CDH2: variants seen among roughly 807,000 people sequenced by gnomAD.
The protein encoded by CDH2 is cadherin 2.
In CDH2, 17 loss-of-function variants were observed where a neutral mutation model predicts 92.0. That is an observed-to-expected ratio of 0.18 (90% CI 0.13 to 0.28). The LOEUF is 0.28. Ranked by LOEUF, CDH2 falls within the 10% of genes least tolerant of loss-of-function variation. The probability of loss-of-function intolerance (pLI) is 1.00; values close to 1 mark genes in which losing one functional copy is unlikely to be tolerated. For missense variants in CDH2, 862 were observed against 1,133.1 expected, an observed-to-expected ratio of 0.76 and a Z score of 3.44; for synonymous variants, 419 against 415.9, an observed-to-expected ratio of 1.01 and a Z score of -0.09.
intron 2 of CDH2, among the ~76,000 whole-genome samples, chr18:28,066,951 A>C (rs1438834264): frequency 2.0e-5 from 3 of 152,156 alleles, no homozygotes; most frequent in Admixed American, 6.5e-5. Flanking sequence ...TTAGTTTTCT[A>C]TTTGGGTCTT....
At chr18:27,961,493 C>CAATT (rs2011403104) in intron 15 of CDH2, among the ~76,000 whole-genome samples, 1 of 151,914 alleles carries the variant, frequency 6.6e-6, no homozygotes, top group Non-Finnish European at 1.5e-5. Flanking sequence ...TGCAGATGGA[C>CAATT]AATTAGGTTA....
At chr18:28,169,831 A>G (rs1388705818) in intron 1 of CDH2, among the ~76,000 whole-genome samples, 1 of 152,224 alleles carries the variant, frequency 6.6e-6, no homozygotes, top group African/African-American at 2.4e-5. Context: ...GCTACTTTGA[A>G]AAACCCAAGT....
chr18:28,163,799 A>G (rs1043562269), intron 1 of CDH2, among the ~76,000 whole-genome samples: 2 of 152,242 alleles, frequency 1.3e-5, no homozygotes, highest in African/African-American at 4.8e-5. Context: ...GTATACATCT[A>G]TGCATGATGT....
At chr18:28,081,778 A>T (rs2014834973) in intron 2 of CDH2, among the ~76,000 whole-genome samples, 1 of 152,212 alleles carries the variant, frequency 6.6e-6, no homozygotes. Context: ...ACAATGGTTT[A>T]ACGGTTAGCC....
chr18:28,057,932 G>A (rs1204395565), intron 2 of CDH2, among the ~76,000 whole-genome samples: 1 of 152,054 alleles, frequency 6.6e-6, no homozygotes, highest in Non-Finnish European at 1.5e-5. Context: ...ACAAGTCATG[G>A]AAAAAATATT....
chr18:27,953,229 A>G (rs1909550242), intron 15 of CDH2, among the ~76,000 whole-genome samples: 1 of 152,144 alleles, frequency 6.6e-6, no homozygotes, highest in South Asian at 2.1e-4. Context: ...GGTTCTTATA[A>G]AGAATTTTAA....
intron 15 of CDH2, among the ~76,000 whole-genome samples, chr18:27,962,837 A>G (rs558319474): frequency 6.6e-6 from 1 of 152,328 alleles, no homozygotes; most frequent in Non-Finnish European, 1.5e-5. Flanking sequence ...GAAGCTCTTA[A>G]AACTCCTCAA....
chr18:27,957,168 T>C (rs2011270902), intron 15 of CDH2, among the ~76,000 whole-genome samples: 1 of 103,282 alleles, frequency 9.7e-6, no homozygotes, highest in East Asian at 3.3e-4. Flanking sequence ...TCATTAAAAA[T>C]ATCACTTCGA....
chr18:28,023,385 G>T (rs2013461403), intron 2 of CDH2, among the ~76,000 whole-genome samples: 1 of 152,130 alleles, frequency 6.6e-6, no homozygotes, highest in Admixed American at 6.6e-5. Context: ...ATGCAGTGGG[G>T]TGATGTTGGC....
At chr18:28,048,066 G>C (rs1269689832) in intron 2 of CDH2, among the ~76,000 whole-genome samples, 2 of 149,862 alleles carry the variant, frequency 1.3e-5, no homozygotes, top group African/African-American at 4.9e-5. Context: ...TATTAGCAGG[G>C]ATCTGCTGCC....
At chr18:28,154,318 G>T (rs1003085150) in intron 1 of CDH2, among the ~76,000 whole-genome samples, 1 of 152,224 alleles carries the variant, frequency 6.6e-6, no homozygotes, top group Non-Finnish European at 1.5e-5. Flanking sequence ...AGGATGACAA[G>T]CAGTCAACAA....
At chr18:28,000,955 C>T (rs770601862) in intron 7 of CDH2, among the ~76,000 whole-genome samples, 14 of 151,974 alleles carry the variant, frequency 9.2e-5, no homozygotes, top group Non-Finnish European at 1.9e-4. Context: ...TTATCCCTGG[C>T]CTCAGGAAGA....
chr18:27,959,643 T>A (rs1315370360), intron 15 of CDH2: 1 of 152,214 alleles, frequency 6.6e-6, no homozygotes, highest in Non-Finnish European at 1.5e-5. Context: ...GGAGAGTTAT[T>A]ACTGGCTTAG....
At chr18:28,064,139 G>T (rs1388323918) in intron 2 of CDH2, among the ~76,000 whole-genome samples, 5 of 151,642 alleles carry the variant, frequency 3.3e-5, no homozygotes, top group Admixed American at 1.3e-4. Context: ...TCAAAAGAGG[G>T]GGGGGTAGGT....
intron 2 of CDH2, among the ~76,000 whole-genome samples, chr18:28,140,030 T>C (rs2015927729): frequency 6.6e-6 from 1 of 151,950 alleles, no homozygotes. Context: ...ACACCACATG[T>C]AGTCATCCCT....
At position 27,969,284 on chromosome 18, in the gene CDH2, A is replaced by G. The variant is rs575102722; in HGVS notation, c.2350-5763T>C. Among the ~76,000 whole-genome samples, 9 of 152,334 alleles carry G rather than the reference A, an allele frequency of 5.9e-5. No individual in the cohort carries two copies. The South Asian group carries it at 1.9e-3, about 32-fold the overall frequency. On this transcript the variant is annotated intron_variant, in intron 14 of 15. Coordinates refer to ENST00000269141, the MANE Select transcript of CDH2 (RefSeq NM_001792.5). Reference sequence around the variant, plus strand: ...TCTCTGTTCTCTCTCTTCATATACTATACATTTTAATCTTACTGGTAGCCA... The same window carrying G: ...TCTCTGTTCTCTCTCTTCATATACTGTACATTTTAATCTTACTGGTAGCCA...
At chr18:28,154,135 T>C (rs907742707) in intron 1 of CDH2, among the ~76,000 whole-genome samples, 5 of 152,356 alleles carry the variant, frequency 3.3e-5, no homozygotes, top group African/African-American at 1.2e-4. Context: ...TCAAACCCAA[T>C]AGCTTAGCAA....
intron 1 of CDH2, among the ~76,000 whole-genome samples, chr18:28,151,000 G>T (rs2016112309): frequency 6.6e-6 from 1 of 152,184 alleles, no homozygotes; most frequent in Non-Finnish European, 1.5e-5. Context: ...CTCCCAGCTG[G>T]ACATAGTGGA....
intron 15 of CDH2, among the ~76,000 whole-genome samples, chr18:27,956,749 G>A (rs985657088): frequency 6.6e-6 from 1 of 151,982 alleles, no homozygotes; most frequent in African/African-American, 2.4e-5. Context: ...CCGACAATGG[G>A]CAAAATGATT....
Sources: allele counts gnomAD v4.1 joint callset (sites outside exome capture counted in the v4.1 genomes callset), GRCh38; gene constraint gnomAD v4.1.1; transcripts MANE v1.5; gene names NCBI Gene and HGNC (gene_info 2026-07-23, HGNC 2026-07-21).